The following ASXL2 variants were observed in gnomAD, a reference collection of about 807,000 sequenced individuals.
ASXL2 encodes ASXL transcriptional regulator 2.
In ASXL2, 23 loss-of-function variants were observed where a neutral mutation model predicts 122.0. The observed-to-expected ratio is 0.19, with a 90% CI of 0.14 to 0.27. ASXL2 has a LOEUF of 0.27. Ranked by LOEUF, ASXL2 falls within the 10% of genes least tolerant of loss-of-function variation. The pLI, the probability that ASXL2 is intolerant of heterozygous loss-of-function variation, is 1.00. For missense variants in ASXL2, 1,518 were observed against 1,713.8 expected, an observed-to-expected ratio of 0.89 and a Z score of 2.02; for synonymous variants, 650 against 637.0, an observed-to-expected ratio of 1.02 and a Z score of -0.31.
At chr2:25,818,509 T>G (rs1428881757) in intron 3 of ASXL2, among the ~76,000 whole-genome samples, 2 of 152,038 alleles carry the variant, frequency 1.3e-5, no homozygotes, top group Non-Finnish European at 2.9e-5. Flanking sequence ...AGAGCTCATC[T>G]CAAAAAAAGA....
Position 25,767,644 on chromosome 2 carries a change from C to T in ASXL2, c.714G>A (p.Val238=). The change falls in exon 8 of 13, where the codon GTG becomes GTA. Residue 238 remains valine, a synonymous_variant. Coordinates refer to ENST00000435504, the MANE Select transcript of ASXL2 (RefSeq NM_018263.6). The part of the protein sequence containing the change: ...SNSSFSSSVK[V]ENTLLGLGKK... ...TCCCCAAGCCTAGTAAAGTATTTTC[C>T]ACTTTAACTGAGGAAGAAAAGCTGG... 1.2e-6 allele frequency: 2 copies of T among 1,613,892 alleles called. No individual in the cohort carries two copies. Among genetic ancestry groups the T allele is most frequent in the Non-Finnish European group, 1.7e-6 (2 of 1,179,836 alleles).
chr2:25,839,593 T>G (rs138502546), intron 2 of ASXL2, among the ~76,000 whole-genome samples: 1 of 151,426 alleles, frequency 6.6e-6, no homozygotes, highest in African/African-American at 2.4e-5. Context: ...TCTTCCCTAT[T>G]ACTCCTATGG....
At chr2:25,765,842 T>G (rs571495685) in intron 8 of ASXL2, among the ~76,000 whole-genome samples, 8 of 152,344 alleles carry the variant, frequency 5.3e-5, no homozygotes, top group Middle Eastern at 3.4e-3. Flanking sequence ...TGTGTTTGGC[T>G]TATTAGCATT....
At chr2:25,828,824 CAAAAAAAAA>C (rs1031358836) in intron 3 of ASXL2, among the ~76,000 whole-genome samples, 1 of 50,140 alleles carries the variant, frequency 2.0e-5, no homozygotes, top group Non-Finnish European at 3.5e-5. Flanking sequence ...GACTGTGTCT[CAAAAAAAAA>C]AAAAAAAAAA....
chr2:25,878,326 G>A lies in ASXL2; in HGVS notation c.-104C>T, dbSNP rs2090027810. On this transcript the variant is annotated 5_prime_UTR_variant, in exon 1 of 13. Transcript: ENST00000435504. ...TTTCCCGCGGTGCCGGGAAAGGTGG[G>A]AGAAAAGGGAAGTCAGACCGGGGGG... 1.0e-5 allele frequency: 13 copies of A among 1,293,922 alleles called. No homozygotes were observed. Among genetic ancestry groups the A allele is most frequent in the South Asian group, 6.1e-5 (5 of 81,448 alleles). 80.2% of individuals were successfully genotyped at this position (1,293,922 alleles called of 1,614,324 possible).
At chr2:25,803,809 C>T (rs1406402337) in intron 4 of ASXL2, among the ~76,000 whole-genome samples, 4 of 152,210 alleles carry the variant, frequency 2.6e-5, no homozygotes, top group Non-Finnish European at 5.9e-5. Context: ...GCCCACCAAT[C>T]ACCTCCAGCT....
intron 8 of ASXL2, 138 bp downstream of exon 8, chr2:25,767,444 CA>C (rs1315509136): frequency 3.9e-5 from 33 of 855,988 alleles, no homozygotes; most frequent in Admixed American, 2.8e-4. Flanking sequence ...ATGTTAGCAA[CA>C]AAAAAAACTT....
At chr2:25,746,375 A>C (rs1189159068) in intron 12 of ASXL2, among the ~76,000 whole-genome samples, 1 of 152,198 alleles carries the variant, frequency 6.6e-6, no homozygotes, top group Admixed American at 6.5e-5. Context: ...AATCTATTTC[A>C]CATCCAATTC....
chr2:25,871,485 A>C (rs2149204219), intron 1 of ASXL2, among the ~76,000 whole-genome samples: 1 of 141,544 alleles, frequency 7.1e-6, no homozygotes, highest in South Asian at 2.2e-4. Flanking sequence ...GTGTTCAAAA[A>C]AAAATCTGCT....
At chr2:25,817,946 T>C (rs988370726) in intron 3 of ASXL2, among the ~76,000 whole-genome samples, 1 of 152,172 alleles carries the variant, frequency 6.6e-6, no homozygotes. Flanking sequence ...AGAATGAGTA[T>C]ATTTAGATCA....
chr2:25,869,643 C>T (rs1333498228), intron 1 of ASXL2, among the ~76,000 whole-genome samples: 5 of 151,896 alleles, frequency 3.3e-5, no homozygotes, highest in African/African-American at 4.8e-5. Flanking sequence ...CCAATATTCA[C>T]CCATCTCTAC....
chr2:25,764,730 C>T (rs1055647427), intron 8 of ASXL2, among the ~76,000 whole-genome samples: 1 of 152,186 alleles, frequency 6.6e-6, no homozygotes, highest in Non-Finnish European at 1.5e-5. Flanking sequence ...GCTTTGTTTG[C>T]TTTTCCCATA....
At chr2:25,873,559 A>T (rs2089981377) in intron 1 of ASXL2, among the ~76,000 whole-genome samples, 1 of 152,164 alleles carries the variant, frequency 6.6e-6, no homozygotes, top group Admixed American at 6.5e-5. Context: ...TAGCAGTGAC[A>T]AAAGTGACAA....
intron 1 of ASXL2, among the ~76,000 whole-genome samples, chr2:25,855,657 C>T (rs1021488937): frequency 6.6e-6 from 1 of 151,810 alleles, no homozygotes. Flanking sequence ...CAGAGTGAGA[C>T]TCTTGTCTCA....
rs2087843446 is a variant in ASXL2, at chr2:25,742,325, C to G, written c.4012G>C (p.Asp1338His). Residue 1338 changes from aspartate (D) to histidine (H), a missense_variant, in exon 13 of 13, where the codon GAC becomes CAC. By Grantham distance (81) the Asp-to-His change is moderately conservative. Transcript: ENST00000435504. ...GGTACAGCAGAGTTATGGTCCATGTCAGATGAGGTGGAGACATTGATCATG... is the reference window on the plus strand; with the variant it reads ...GGTACAGCAGAGTTATGGTCCATGTGAGATGAGGTGGAGACATTGATCATG... ...RGMINVSTSS[D>H]MDHNSAVPGS... 2.5e-6 allele frequency: 4 copies of G among 1,609,070 alleles called. No homozygotes were observed. Among genetic ancestry groups the G allele is most frequent in the Non-Finnish European group, 3.4e-6 (4 of 1,178,950 alleles).
intron 5 of ASXL2, among the ~76,000 whole-genome samples, chr2:25,796,263 T>G (rs966824127): frequency 1.3e-5 from 2 of 152,222 alleles, no homozygotes; most frequent in Non-Finnish European, 2.9e-5. Context: ...CAACATAACC[T>G]GAGCTTCTAG....
intron 6 of ASXL2, among the ~76,000 whole-genome samples, chr2:25,769,143 C>A (rs1023036809): frequency 1.3e-5 from 2 of 152,086 alleles, no homozygotes; most frequent in African/African-American, 2.4e-5. Flanking sequence ...CAGTATCATT[C>A]CTTTATATAA....
intron 1 of ASXL2, among the ~76,000 whole-genome samples, chr2:25,864,885 A>T (rs2149201583): frequency 6.6e-6 from 1 of 151,038 alleles, no homozygotes; most frequent in Non-Finnish European, 1.5e-5. Context: ...AGGCTGCAGT[A>T]CAATAGCGCG....
intron 5 of ASXL2, among the ~76,000 whole-genome samples, chr2:25,779,768 T>C (rs538205993): frequency 6.6e-6 from 1 of 152,344 alleles, no homozygotes; most frequent in Non-Finnish European, 1.5e-5. Context: ...TCCTTAACTA[T>C]ATTACTCTAT....
Sources: gnomAD v4.1 joint callset for allele counts (sites outside exome capture counted in the v4.1 genomes callset) on GRCh38, gnomAD v4.1.1 for gene constraint, MANE v1.5 for transcripts, NCBI Gene and HGNC (gene_info 2026-07-23, HGNC 2026-07-21) for gene names.